COPRS: variants seen among roughly 807,000 people sequenced by gnomAD.
The protein encoded by COPRS is cooperator of PRMT5.
Under a neutral mutation model 19.9 loss-of-function variants are expected in COPRS, and 11 were observed. The ratio of observed to expected loss-of-function variants is 0.55; its 90% CI spans 0.35 to 0.92. The LOEUF (loss-of-function observed/expected upper bound fraction) is 0.92. COPRS is among the 40% of genes least tolerant of loss of function. COPRS has a pLI of 0.01. For missense variants in COPRS, 225 were observed against 229.9 expected, an observed-to-expected ratio of 0.98 and a Z score of 0.14; for synonymous variants, 81 against 82.7, an observed-to-expected ratio of 0.98 and a Z score of 0.11.
chr17:31,853,133 T>A lies in COPRS; in HGVS notation c.167-103A>T. ...CTTACTACGAAGGTAGTAAAACAAGTGCACAGAGTCTTCTTTAGCCACCGA... is the reference window on the plus strand; with the variant it reads ...CTTACTACGAAGGTAGTAAAACAAGAGCACAGAGTCTTCTTTAGCCACCGA... On this transcript the variant is annotated intron_variant, in intron 2 of 3. Transcript: ENST00000302362. 3 of 797,420 alleles carry A rather than the reference T, an allele frequency of 3.8e-6. No individual in the cohort carries two copies. In the South Asian group the frequency reaches 4.3e-5, roughly 12 times the overall value. 49.4% of individuals were successfully genotyped at this position (797,420 alleles called of 1,614,324 possible).
chr17:31,858,422 T>G, intron 1 of COPRS: 1 of 985,342 alleles, frequency 1.0e-6, no homozygotes, highest in Non-Finnish European at 1.2e-6. Context: ...GGTATGTCTA[T>G]CTCCTGTGCC....
chr17:31,856,697 A>T, intron 2 of COPRS, 102 bp downstream of exon 2: 1 of 808,174 alleles, frequency 1.2e-6, no homozygotes, highest in East Asian at 2.5e-5. Context: ...GCCACTAAGC[A>T]GCAGAGAGGA....
Position 31,852,252 on chromosome 17 carries a change from C to G in COPRS, c.442G>C (p.Ala148Pro). Residue 148 changes from alanine to proline, a missense_variant, in exon 4 of 4, where the codon GCC becomes CCC. By Grantham distance (27) the Ala-to-Pro change is conservative. This residue lies in a region of COPRS where 170 missense variants were observed against 171.4 expected (regional missense o/e 0.99). Transcript: ENST00000302362. The stretch of plus-strand genomic sequence containing the variant: ...TCATAGATCATGTCTCCTTGTGGGG[C>G]ACAGCACACCCAAGGTTTAAGCTCT... Reference protein sequence around the residue: ...SQELKPWVCCAPQGDMIYDPS... With the variant: ...SQELKPWVCCPPQGDMIYDPS... 1 of 1,613,844 alleles carries G rather than the reference C, an allele frequency of 6.2e-7. No individual in the cohort carries two copies. The highest frequency in any genetic ancestry group is 8.5e-7 in the Non-Finnish European group (1 of 1,179,878).
rs535620297 is a variant in COPRS, at chr17:31,854,283, T to A, written c.167-1253A>T. On this transcript the variant is annotated intron_variant, in intron 2 of 3. Coordinates refer to ENST00000302362, the MANE Select transcript of COPRS (RefSeq NM_018405.4). ...TACTCAAGAGGCTGAGGTGGGAGGA[T>A]CGCTTGAACCTGGGAGGTGGAGGCT... 5.7e-4 allele frequency among the ~76,000 whole-genome samples: 79 copies of A among 139,198 alleles called. No individual in the cohort carries two copies. The South Asian group carries it at 0.016, about 28-fold the overall frequency. The allele number at this position is 139,198 out of a possible 152,430, so 91.3% of individuals were successfully genotyped here. A position where few individuals can be genotyped will look rare whatever the true frequency, so the allele number is the denominator to read the frequency against.
rs150220893 is a variant in COPRS at position 31,853,028 on chromosome 17, G to A, written c.169C>T (p.Arg57Cys). 85 of 1,610,442 alleles carry A rather than the reference G, an allele frequency of 5.3e-5. 1 individual carries two copies. The highest frequency in any genetic ancestry group is 3.3e-4 in the Middle Eastern group (2 of 6,082). The change falls in exon 3 of 4, where the codon CGT (arginine) becomes TGT (cysteine). Residue 57 changes from arginine (R) to cysteine (C), a missense_variant and splice_region_variant. Transcript: ENST00000302362. ...TCATTAGGAATGCTCTGTGTTCCACGGGCTAAATTGACAAAGAGAAGATGG... is the reference window on the plus strand; with the variant it reads ...TCATTAGGAATGCTCTGTGTTCCACAGGCTAAATTGACAAAGAGAAGATGG... ...ETEKAMDRLA[R>C]GTQSIPNDSP... is the part of the protein sequence containing the mutation.
Position 31,853,029 on chromosome 17 carries a change from G to A in COPRS, c.168C>T (p.Ala56=). 1.2e-6 allele frequency: 2 copies of A among 1,610,978 alleles called. No homozygotes were observed. ...RETEKAMDRL[A]RGTQSIPNDS... ...CATTAGGAATGCTCTGTGTTCCACGGGCTAAATTGACAAAGAGAAGATGGC... is the reference window on the plus strand; with the variant it reads ...CATTAGGAATGCTCTGTGTTCCACGAGCTAAATTGACAAAGAGAAGATGGC... Residue 56 remains alanine, a splice_region_variant and synonymous_variant, in exon 3 of 4, where the codon GCC becomes GCT. Transcript: ENST00000302362.
chr17:31,853,264 A>C (rs1277799923), intron 2 of COPRS, among the ~76,000 whole-genome samples: 1 of 152,176 alleles, frequency 6.6e-6, no homozygotes, highest in Non-Finnish European at 1.5e-5. Context: ...CAGGTCCTTT[A>C]ATTTACAAAG....
chr17:31,856,621 G>A lies in COPRS; in HGVS notation c.166+178C>T, dbSNP rs746928569. The A allele has an allele frequency of 4.7e-6, 3 of 643,584 alleles. No individual in the cohort carries two copies. In the South Asian group the frequency reaches 5.3e-5, roughly 11 times the overall value. 39.9% of individuals were successfully genotyped at this position (643,584 alleles called of 1,614,324 possible). A position where few individuals can be genotyped will look rare whatever the true frequency, so the allele number is the denominator to read the frequency against. On this transcript the variant is annotated intron_variant, in intron 2 of 3. Coordinates refer to ENST00000302362, the MANE Select transcript of COPRS (RefSeq NM_018405.4). ...GGATTTGAACATAAGAAAAGTTCAGGACTTCCCTTAAGGAAGCTCCAAGCA... is the reference window on the plus strand; with the variant it reads ...GGATTTGAACATAAGAAAAGTTCAGAACTTCCCTTAAGGAAGCTCCAAGCA...
rs536317904 is a variant in COPRS, at chr17:31,855,722, G to A, written c.166+1077C>T. Reference sequence around the variant, plus strand: ...AGAAAAAGAAAAAAAGGGGCCAAGCGTGGTAGCTCACACCTGTAATCCCAG... The same window carrying A: ...AGAAAAAGAAAAAAAGGGGCCAAGCATGGTAGCTCACACCTGTAATCCCAG... On this transcript the variant is annotated intron_variant, in intron 2 of 3. Transcript: ENST00000302362. Among the ~76,000 whole-genome samples the A allele has an allele frequency of 2.6e-5, 4 of 151,500 alleles. No individual in the cohort carries two copies. In the East Asian group the frequency reaches 5.8e-4, roughly 22 times the overall value.
At chr17:31,853,115 CGAAG>C in intron 2 of COPRS, 85 bp from the exon 3 acceptor site, 9 of 957,782 alleles carry the variant, frequency 9.4e-6, no homozygotes, top group Non-Finnish European at 1.5e-5. Flanking sequence ...AGACTTACTA[CGAAG>C]GTAGTAAAAC....
Position 31,859,186 on chromosome 17 carries a change from G to T in COPRS, c.14C>A (p.Ala5Asp). 1 of 1,058,568 alleles carries T rather than the reference G, an allele frequency of 9.4e-7. No homozygotes were observed. Among genetic ancestry groups the T allele is most frequent in the Non-Finnish European group, 1.1e-6 (1 of 877,470 alleles). The allele number at this position is 1,058,568 out of a possible 1,614,324, so 65.6% of individuals were successfully genotyped here. A position where few individuals can be genotyped will look rare whatever the true frequency, so the allele number is the denominator to read the frequency against. The change falls in exon 1 of 4, where the codon GCC becomes GAC. Residue 5 changes from alanine to aspartate, a missense_variant. Around this residue, in one of 3 missense-constraint regions of COPRS, gnomAD observed 51 missense variants for 39.2 expected, o/e 1.30. Coordinates refer to ENST00000302362, the MANE Select transcript of COPRS (RefSeq NM_018405.4). The stretch of plus-strand genomic sequence containing the variant: ...GGCCCCCTGCGCCTGGGCCCCGGCG[G>T]CCTGAAGGTCCATGCCCTGCGGCCC... Reference protein sequence around the residue: MDLQAAGAQAQGAAE... With the variant: MDLQDAGAQAQGAAE...
Position 31,852,291 on chromosome 17 carries a change from C to G in COPRS, c.403G>C (p.Glu135Gln). 1 of 1,608,012 alleles carries G rather than the reference C, an allele frequency of 6.2e-7. No individual in the cohort carries two copies. The highest frequency in any genetic ancestry group is 8.5e-7 in the Non-Finnish European group (1 of 1,176,674). The change falls in exon 4 of 4, where the codon GAG (glutamate) becomes CAG (glutamine). Residue 135 changes from glutamate (E) to glutamine (Q), a missense_variant. Physicochemically the swap from Glu to Gln is conservative, Grantham distance 29. Around this residue, in one of 3 missense-constraint regions of COPRS, gnomAD observed 170 missense variants for 171.4 expected, o/e 0.99. Transcript: ENST00000302362. The part of the protein sequence containing the change: ...GNPYDADDIQ[E>Q]SISQELKPWV... Reference sequence around the variant, plus strand: ...GGTTTAAGCTCTTGAGAAATGCTCTCCTGGATGTCGTCAGCATCTGCAGGC... The same window carrying G: ...GGTTTAAGCTCTTGAGAAATGCTCTGCTGGATGTCGTCAGCATCTGCAGGC...
chr17:31,854,950 G>A (rs1319202068), intron 2 of COPRS, among the ~76,000 whole-genome samples: 2 of 152,196 alleles, frequency 1.3e-5, no homozygotes, highest in Admixed American at 1.3e-4. Context: ...TGAATTATAT[G>A]CGTTAAAATG....
intron 2 of COPRS, among the ~76,000 whole-genome samples, chr17:31,855,094 G>C (rs113634150): frequency 6.6e-6 from 1 of 151,734 alleles, no homozygotes. Context: ...GAAAAAAAAA[G>C]GCCAGGCACG....
At chr17:31,856,564 C>T in intron 2 of COPRS, 1 of 556,180 alleles carries the variant, frequency 1.8e-6, no homozygotes, top group South Asian at 2.2e-5. Flanking sequence ...ACTATTTTCA[C>T]CGTTTCAAGC....
At chr17:31,857,796 C>T (rs1909409701) in intron 1 of COPRS, among the ~76,000 whole-genome samples, 2 of 152,186 alleles carry the variant, frequency 1.3e-5, no homozygotes, top group African/African-American at 4.8e-5. Context: ...TGATTAGACA[C>T]CATTTATGAA....
intron 1 of COPRS, chr17:31,858,791 C>G: frequency 6.4e-7 from 1 of 1,550,532 alleles, no homozygotes; most frequent in South Asian, 1.2e-5. Context: ...CAGCGGGCCC[C>G]GGCTCTCGGT....
chr17:31,856,550 C>T (rs1251401533), intron 2 of COPRS: 2 of 520,916 alleles, frequency 3.8e-6, no homozygotes, highest in East Asian at 7.4e-5. Context: ...GGTGAGACTG[C>T]TGTACTATTT....
chr17:31,855,431 CA>C (rs1211735103), intron 2 of COPRS, among the ~76,000 whole-genome samples: 1 of 151,978 alleles, frequency 6.6e-6, no homozygotes, highest in East Asian at 1.9e-4. Context: ...GGTGTGAACC[CA>C]GGGGGCAGAG....
Sources: allele counts gnomAD v4.1 joint callset (sites outside exome capture counted in the v4.1 genomes callset), GRCh38; gene constraint gnomAD v4.1.1; regional missense constraint gnomAD v4.1.1; transcripts MANE v1.5; gene names NCBI Gene and HGNC (gene_info 2026-07-23, HGNC 2026-07-21).